DYM: variants seen among roughly 807,000 people sequenced by gnomAD.
The protein encoded by DYM is dymeclin.
A neutral mutation model predicts 93.1 loss-of-function variants in DYM; 78 were observed. The observed-to-expected ratio is 0.84, with a 90% CI of 0.70 to 1.01. The LOEUF (loss-of-function observed/expected upper bound fraction) is 1.01, where lower values mean the gene tolerates loss of function less well. Ranked by LOEUF, DYM falls within the 50% of genes least tolerant of loss-of-function variation. The pLI, the probability that DYM is intolerant of heterozygous loss-of-function variation, is 0.00. For synonymous variants in DYM, 321 were observed against 319.7 expected (o/e 1.00, Z -0.04); for missense variants, 789 against 845.0 (o/e 0.93, Z 0.82).
intron 9 of DYM, among the ~76,000 whole-genome samples, chr18:49,282,937 T>G (rs928197595): frequency 6.6e-6 from 1 of 152,230 alleles, no homozygotes; most frequent in Admixed American, 6.5e-5. Context: ...TTAAATAAAT[T>G]GTGGCTGAAG....
At chr18:49,363,297 A>G (rs1263771369) in intron 5 of DYM, 64 bp from the exon 6 acceptor site, 26 of 1,172,330 alleles carry the variant, frequency 2.2e-5, no homozygotes, top group Middle Eastern at 1.9e-4. Context: ...GTTGTTCAGA[A>G]GTTACATTTT....
At chr18:49,361,054 T>C (rs2065972434) in intron 6 of DYM, among the ~76,000 whole-genome samples, 2 of 152,210 alleles carry the variant, frequency 1.3e-5, no homozygotes, top group African/African-American at 4.8e-5. Flanking sequence ...CTATGTCACA[T>C]GGTCACATGG....
At chr18:49,293,301 T>C (rs1253087057) in intron 8 of DYM, among the ~76,000 whole-genome samples, 2 of 152,212 alleles carry the variant, frequency 1.3e-5, no homozygotes, top group African/African-American at 4.8e-5. Context: ...GCATGTGTCT[T>C]TATAGTAGAA....
chr18:49,215,456 GAA>G (rs2092988681), intron 13 of DYM, among the ~76,000 whole-genome samples: 1 of 152,130 alleles, frequency 6.6e-6, no homozygotes, highest in Non-Finnish European at 1.5e-5. Flanking sequence ...TTATAGTTTT[GAA>G]ATTCTTTACA....
chr18:49,333,615 A>G, intron 7 of DYM, 113 bp downstream of exon 7: 1 of 1,195,336 alleles, frequency 8.4e-7, no homozygotes, highest in East Asian at 2.4e-5. Flanking sequence ...CAATAGAACA[A>G]CTAGAGGAAA....
intron 15 of DYM, among the ~76,000 whole-genome samples, chr18:49,133,150 A>G (rs2083525697): frequency 6.6e-6 from 1 of 152,188 alleles, no homozygotes. Flanking sequence ...AGCACTGATG[A>G]AAGTATAATC....
intron 2 of DYM, among the ~76,000 whole-genome samples, chr18:49,398,843 TACTC>T (rs750303075): frequency 1.3e-5 from 2 of 152,222 alleles, no homozygotes; most frequent in Non-Finnish European, 2.9e-5. Context: ...AACTATGAAT[TACTC>T]GGTTTATTGG....
chr18:49,388,153 G>A (rs1245281877), intron 3 of DYM, among the ~76,000 whole-genome samples: 1 of 151,850 alleles, frequency 6.6e-6, no homozygotes, highest in Non-Finnish European at 1.5e-5. Context: ...AACATGGCAA[G>A]ATCCCACCTC....
chr18:49,214,014 G>A (rs2092916554), intron 13 of DYM, among the ~76,000 whole-genome samples: 1 of 152,174 alleles, frequency 6.6e-6, no homozygotes, highest in Non-Finnish European at 1.5e-5. Context: ...TCTTATAGTA[G>A]TTCCTAAATT....
At chr18:49,281,358 C>G (rs538343290) in intron 10 of DYM, among the ~76,000 whole-genome samples, 53 of 152,270 alleles carry the variant, frequency 3.5e-4, no homozygotes, top group African/African-American at 1.2e-3. Context: ...GTTGGTGGGA[C>G]TGTAAACTAG....
Position 49,144,834 on chromosome 18 carries a change from T to C in DYM, c.1728+18851A>G, listed in dbSNP as rs192355673. Among the ~76,000 whole-genome samples the C allele has an allele frequency of 6.6e-4, 101 of 152,020 alleles. No homozygotes were observed. In the East Asian group the frequency reaches 0.015, roughly 22 times the overall value. On this transcript the variant is annotated intron_variant, in intron 15 of 17. Transcript: ENST00000675505. ...CCTGGGCCAGGCACATCAGGGCTCATTCCTGTAATCTCAGCATTTTGGGAG... is the reference window on the plus strand; with the variant it reads ...CCTGGGCCAGGCACATCAGGGCTCACTCCTGTAATCTCAGCATTTTGGGAG...
At chr18:49,315,298 A>G (rs531257777) in intron 8 of DYM, among the ~76,000 whole-genome samples, 2 of 152,246 alleles carry the variant, frequency 1.3e-5, no homozygotes, top group Non-Finnish European at 2.9e-5. Context: ...TTAAATTCCC[A>G]TGCACAAAAA....
At chr18:49,157,852 G>T (rs975934450) in intron 15 of DYM, among the ~76,000 whole-genome samples, 4 of 152,138 alleles carry the variant, frequency 2.6e-5, no homozygotes, top group South Asian at 2.1e-4. Context: ...AGTCATGAAG[G>T]TTTAATCATA....
intron 17 of DYM, among the ~76,000 whole-genome samples, chr18:49,063,846 C>T (rs1185111599): frequency 3.3e-5 from 5 of 152,020 alleles, no homozygotes; most frequent in African/African-American, 1.2e-4. Flanking sequence ...CCAGGCTGGT[C>T]TTGAACGCCT....
At chr18:49,152,045 T>C (rs1303489748) in intron 15 of DYM, among the ~76,000 whole-genome samples, 1 of 152,220 alleles carries the variant, frequency 6.6e-6, no homozygotes, top group Non-Finnish European at 1.5e-5. Context: ...TGAATATGCA[T>C]GGGTTATTTT....
At chr18:49,457,546 A>T (rs2148757268) in intron 1 of DYM, among the ~76,000 whole-genome samples, 1 of 152,352 alleles carries the variant, frequency 6.6e-6, no homozygotes, top group East Asian at 1.9e-4. Context: ...AGATCTAACC[A>T]TTCCCATTAT....
Position 49,298,508 on chromosome 18 carries a change from G to C in DYM, c.764-11892C>G, listed in dbSNP as rs138854636. 1.5e-4 allele frequency among the ~76,000 whole-genome samples: 22 copies of C among 151,282 alleles called. No individual in the cohort carries two copies. The East Asian group carries it at 2.7e-3, about 19-fold the overall frequency. Reference sequence around the variant, plus strand: ...AGACAGGAGAATTGCTTGAACCTGGGAGGCAAAGGTTGCAGTAAGCTGAGA... The same window carrying C: ...AGACAGGAGAATTGCTTGAACCTGGCAGGCAAAGGTTGCAGTAAGCTGAGA... On this transcript the variant is annotated intron_variant, in intron 8 of 17. Coordinates refer to ENST00000675505, the MANE Select transcript of DYM (RefSeq NM_001353214.3).
intron 15 of DYM, among the ~76,000 whole-genome samples, chr18:49,148,362 A>G (rs2085404215): frequency 1.3e-5 from 2 of 152,142 alleles, no homozygotes; most frequent in South Asian, 2.1e-4. Context: ...AGAACAAAAA[A>G]AAAAAGAAAA....
intron 2 of DYM, among the ~76,000 whole-genome samples, chr18:49,418,680 G>A (rs755883427): frequency 6.6e-5 from 10 of 152,154 alleles, no homozygotes; most frequent in South Asian, 2.1e-4. Context: ...TTCCAAGAGT[G>A]AACAATCTCA....
Sources: gnomAD v4.1 joint callset for allele counts (sites outside exome capture counted in the v4.1 genomes callset) on GRCh38, gnomAD v4.1.1 for gene constraint, MANE v1.5 for transcripts, NCBI Gene and HGNC (gene_info 2026-07-23, HGNC 2026-07-21) for gene names.